Variants in TMEFF1 observed in about 807,000 individuals in gnomAD.
TMEFF1 encodes the protein tomoregulin-1.
TMEFF1 carries 20 observed loss-of-function variants against 47.5 expected under a neutral mutation model. That is an observed-to-expected ratio of 0.42 (90% CI 0.30 to 0.61). TMEFF1 has a LOEUF of 0.61. TMEFF1 is among the 20% of genes least tolerant of loss of function. The pLI is 0.19. For missense variants in TMEFF1, 411 were observed against 471.1 expected (o/e 0.87, Z 1.18); for synonymous variants, 162 against 166.3 (o/e 0.97, Z 0.20).
At chr9:100,486,796 C>T (rs1837458268) in intron 1 of TMEFF1, among the ~76,000 whole-genome samples, 1 of 152,102 alleles carries the variant, frequency 6.6e-6, no homozygotes, top group African/African-American at 2.4e-5. Flanking sequence ...CCATATCCAG[C>T]TAATTTTTAA....
chr9:100,484,354 G>C (rs190102684), intron 1 of TMEFF1, among the ~76,000 whole-genome samples: 1 of 147,468 alleles, frequency 6.8e-6, no homozygotes, highest in Non-Finnish European at 1.5e-5. Context: ...GTCTCTCTCT[G>C]TTGCCCAGGC....
chr9:100,524,952 C>G (rs541995031), intron 5 of TMEFF1, among the ~76,000 whole-genome samples: 116 of 152,240 alleles, frequency 7.6e-4, no homozygotes, highest in Non-Finnish European at 1.3e-3. Flanking sequence ...TATGGTCAAG[C>G]CAAGCCAACT....
At chr9:100,487,880 C>G (rs1455401070) in intron 1 of TMEFF1, among the ~76,000 whole-genome samples, 2 of 151,886 alleles carry the variant, frequency 1.3e-5, no homozygotes. Context: ...GTCTGGAACT[C>G]TTTCTAATGC....
chr9:100,513,581 G>A (rs181869386), intron 4 of TMEFF1, among the ~76,000 whole-genome samples: 1 of 152,100 alleles, frequency 6.6e-6, no homozygotes, highest in East Asian at 1.9e-4. Flanking sequence ...AAGAAACCAT[G>A]CACTCCTTAG....
intron 1 of TMEFF1, among the ~76,000 whole-genome samples, chr9:100,480,226 A>G (rs1407357226): frequency 1.3e-5 from 2 of 152,148 alleles, no homozygotes; most frequent in East Asian, 1.9e-4. Context: ...TCTTGGAGTA[A>G]TCATTCCCTT....
chr9:100,509,775 GAA>G (rs768756484), intron 3 of TMEFF1, among the ~76,000 whole-genome samples: 9 of 100,570 alleles, frequency 8.9e-5, no homozygotes, highest in Admixed American at 2.2e-4. Context: ...CTCCATCTCA[GAA>G]AAAAAAAAAA....
At chr9:100,555,162 GACAC>G (rs112017161) in intron 7 of TMEFF1, among the ~76,000 whole-genome samples, 6,611 of 144,416 alleles carry the variant, frequency 0.046, 176 homozygotes, top group Middle Eastern at 0.062. Context: ...TGTACACACA[GACAC>G]ACACACACAC....
At chr9:100,478,458 TG>T (rs1837275013) in intron 1 of TMEFF1, among the ~76,000 whole-genome samples, 1 of 152,112 alleles carries the variant, frequency 6.6e-6, no homozygotes, top group African/African-American at 2.4e-5. Flanking sequence ...AGACTACAGG[TG>T]CGTGCCACCA....
intron 3 of TMEFF1, among the ~76,000 whole-genome samples, chr9:100,509,363 C>G (rs1478872831): frequency 1.3e-5 from 2 of 152,154 alleles, no homozygotes; most frequent in African/African-American, 4.8e-5. Context: ...AGGCTTAACA[C>G]TCTTTTTATA....
chr9:100,481,883 G>A (rs1837343764), intron 1 of TMEFF1, among the ~76,000 whole-genome samples: 1 of 152,102 alleles, frequency 6.6e-6, no homozygotes, highest in East Asian at 1.9e-4. Flanking sequence ...CCAGGTTCAA[G>A]CGATTCTCCT....
chr9:100,527,442 G>A (rs971997308), intron 5 of TMEFF1, among the ~76,000 whole-genome samples: 4 of 152,238 alleles, frequency 2.6e-5, no homozygotes, highest in African/African-American at 4.8e-5. Context: ...TGCAAGGGGT[G>A]AGGGATTTCC....
chr9:100,550,250 C>T, intron 7 of TMEFF1, 90 bp downstream of exon 7: 2 of 1,329,698 alleles, frequency 1.5e-6, no homozygotes, highest in Middle Eastern at 1.9e-4. Flanking sequence ...TATAACAACA[C>T]CTCTAACTTT....
chr9:100,566,188 G>A (rs1332308057), intron 8 of TMEFF1, among the ~76,000 whole-genome samples: 3 of 152,150 alleles, frequency 2.0e-5, no homozygotes, highest in East Asian at 1.9e-4. Flanking sequence ...ACCTCTCAAT[G>A]TAGTAGTGTA....
At chr9:100,540,787 CATT>C (rs1838614379) in intron 5 of TMEFF1, among the ~76,000 whole-genome samples, 1 of 152,162 alleles carries the variant, frequency 6.6e-6, no homozygotes, top group Admixed American at 6.6e-5. Context: ...GATGGTATCT[CATT>C]GTGATTTTAA....
At chr9:100,503,508 TTAGTCACAGTTCTCCAGA>T (rs2118337666) in intron 2 of TMEFF1, among the ~76,000 whole-genome samples, 1 of 150,980 alleles carries the variant, frequency 6.6e-6, no homozygotes, top group South Asian at 2.1e-4. Flanking sequence ...AGACCCTTTA[TTAGTCACAGTTCTCCAGA>T]GAAACAGAAA....
intron 8 of TMEFF1, among the ~76,000 whole-genome samples, chr9:100,568,316 T>C (rs1839163796): frequency 6.6e-6 from 1 of 152,192 alleles, no homozygotes. Context: ...TTTATATTAC[T>C]GAGCTTTGAC....
In TMEFF1 at chr9:100,503,535, A is replaced by AACACAC. The variant is rs66485935; in HGVS notation, c.306+4698_306+4703dup. 5.3e-3 allele frequency among the ~76,000 whole-genome samples: 760 copies of AACACAC among 144,038 alleles called. 5 individuals carry two copies. The highest frequency in any genetic ancestry group is 0.014 in the African/African-American group (523 of 38,562). The allele number at this position is 144,038 out of a possible 152,430, so 94.5% of individuals were successfully genotyped here. ...AGTCACAGTTCTCCAGAGAAACAGA[A>AACACAC]ACACACACACACACACACACACACA... On this transcript the variant is annotated intron_variant, in intron 2 of 9. Coordinates refer to ENST00000374879, the MANE Select transcript of TMEFF1 (RefSeq NM_003692.5).
intron 5 of TMEFF1, among the ~76,000 whole-genome samples, chr9:100,543,307 T>A (rs1838668786): frequency 6.6e-6 from 1 of 152,212 alleles, no homozygotes; most frequent in African/African-American, 2.4e-5. Context: ...TGTCTTCTAA[T>A]TCACTAATTC....
chr9:100,474,206 T>A lies in TMEFF1; in HGVS notation c.196+466T>A, dbSNP rs183299088. Reference sequence around the variant, plus strand: ...CGGGGTGAGGGCAGGGGAGTGACCATGTGCTGATGTGCTGGGGAGATTCTT... The same window carrying A: ...CGGGGTGAGGGCAGGGGAGTGACCAAGTGCTGATGTGCTGGGGAGATTCTT... On this transcript the variant is annotated intron_variant, in intron 1 of 9. Coordinates refer to ENST00000374879, the MANE Select transcript of TMEFF1 (RefSeq NM_003692.5). Among the ~76,000 whole-genome samples, 4 of 143,864 alleles carry A rather than the reference T, an allele frequency of 2.8e-5. No homozygotes were observed. The Admixed American group carries it at 2.8e-4, about 10-fold the overall frequency. The allele number at this position is 143,864 out of a possible 152,430, so 94.4% of individuals were successfully genotyped here.
Sources: gnomAD v4.1 joint callset for allele counts (sites outside exome capture counted in the v4.1 genomes callset) on GRCh38, gnomAD v4.1.1 for gene constraint, MANE v1.5 for transcripts, NCBI Gene and HGNC (gene_info 2026-07-23, HGNC 2026-07-21) for gene names.